The following STS variants were observed in gnomAD, a reference collection of about 807,000 sequenced individuals.
STS encodes steroid sulfatase, also known as steryl-sulfatase.
STS carries 7 observed loss-of-function variants against 26.8 expected under a neutral mutation model. The ratio of observed to expected loss-of-function variants is 0.26; its 90% confidence interval spans 0.15 to 0.49. The LOEUF is 0.49. STS is among the 20% of genes least tolerant of loss of function. STS has a pLI of 0.98. For synonymous variants in STS, 199 were observed against 189.4 expected (o/e 1.05, Z -0.42); for missense variants, 434 against 465.6 (o/e 0.93, Z 0.63).
intron 1 of STS, among the ~76,000 whole-genome samples, chrX:7,158,025 G>A (rs753263975): frequency 8.9e-6 from 1 of 112,023 alleles, no homozygotes; most frequent in Non-Finnish European, 1.9e-5. Flanking sequence ...GGTTTCTGTG[G>A]CATTATAGCC....
intron 2 of STS, among the ~76,000 whole-genome samples, chrX:7,252,764 C>T (rs1236578599): frequency 1.8e-5 from 2 of 111,649 alleles, no homozygotes; most frequent in Non-Finnish European, 3.8e-5. Context: ...GATGAATTCT[C>T]TTCCCTCTGT....
chrX:7,348,806 A>G (rs1455997479), intron 10 of STS, among the ~76,000 whole-genome samples: 1 of 111,855 alleles, frequency 8.9e-6, no homozygotes, highest in African/African-American at 3.3e-5. Context: ...GCATGCCATT[A>G]TATTCTAATT....
At chrX:7,152,006 A>G (rs1383398057) in intron 1 of STS, among the ~76,000 whole-genome samples, 1 of 111,399 alleles carries the variant, frequency 9.0e-6, no homozygotes, top group Non-Finnish European at 1.9e-5. Flanking sequence ...AGGCTGGAGT[A>G]CAGTGGCACG....
chrX:7,335,943 A>G (rs1213039100), intron 10 of STS, among the ~76,000 whole-genome samples: 9 of 110,145 alleles, frequency 8.2e-5, no homozygotes, highest in Non-Finnish European at 1.7e-4. Context: ...ATTTCTGAGG[A>G]CTCTGTTCTG....
intron 7 of STS, among the ~76,000 whole-genome samples, chrX:7,297,471 C>G (rs1381560936): frequency 4.5e-5 from 5 of 111,646 alleles, no homozygotes; most frequent in Non-Finnish European, 7.5e-5. Context: ...TTAAGTTAAT[C>G]TAATCAGTTT....
At chrX:7,324,473 T>C (rs1927272227) in intron 8 of STS, among the ~76,000 whole-genome samples, 1 of 112,082 alleles carries the variant, frequency 8.9e-6, no homozygotes, top group African/African-American at 3.2e-5. Context: ...AATGTAGATT[T>C]TCTGCACAAG....
chrX:7,349,005 G>A (rs953810177), intron 10 of STS, among the ~76,000 whole-genome samples: 2 of 108,901 alleles, frequency 1.8e-5, no homozygotes, highest in African/African-American at 6.7e-5. Flanking sequence ...TTTTTGAGAC[G>A]GGGTCTTGCT....
At chrX:7,349,315 CCTTTTTTTTTT>C (rs1928673103) in intron 10 of STS, among the ~76,000 whole-genome samples, 1 of 20,285 alleles carries the variant, frequency 4.9e-5, no homozygotes, top group African/African-American at 1.8e-4. Context: ...TCATTTAATT[CCTTTTTTTTTT>C]TTTTTTTTTT....
At chrX:7,147,640 T>G (rs1004656791), upstream of STS, among the ~76,000 whole-genome samples, 1 of 112,103 alleles carries the variant, frequency 8.9e-6, no homozygotes, top group Non-Finnish European at 1.9e-5. Flanking sequence ...ACGGGGAAGC[T>G]GAGGCTGGGC....
At chrX:7,271,581 A>C (rs1924270804) in intron 6 of STS, among the ~76,000 whole-genome samples, 1 of 111,134 alleles carries the variant, frequency 9.0e-6, no homozygotes, top group Admixed American at 9.6e-5. Context: ...TGACAATTAC[A>C]GTGCTTCCAT....
At chrX:7,329,233 A>G (rs771765983) in intron 9 of STS, among the ~76,000 whole-genome samples, 2 of 112,194 alleles carry the variant, frequency 1.8e-5, no homozygotes, top group African/African-American at 6.5e-5. Context: ...GAATATCTAA[A>G]GTAGTGTTTT....
chrX:7,325,435 C>G lies in STS; in HGVS notation c.1178C>G (p.Thr393Ser). 8.3e-7 allele frequency: 1 copy of G among 1,211,527 alleles called. No individual in the cohort carries two copies. The highest frequency in any genetic ancestry group is 1.1e-6 in the Non-Finnish European group (1 of 895,339). Residue 393 changes from threonine (T) to serine (S), a missense_variant, in exon 9 of 11, where the codon ACT (threonine) becomes AGT (serine). By Grantham distance (58) the Thr-to-Ser change is moderately conservative. Coordinates refer to ENST00000674429, the MANE Select transcript of STS (RefSeq NM_001320752.2). ...IQAGQKIDEPTSNMDIFPTVA... is the reference protein window; with the variant it reads ...IQAGQKIDEPSSNMDIFPTVA... The stretch of plus-strand genomic sequence containing the variant: ...GCTGGCCAGAAGATTGATGAGCCCA[C>G]TAGCAACATGGACATATTTCCTACA...
intron 7 of STS, among the ~76,000 whole-genome samples, chrX:7,301,408 A>G (rs1338271062): frequency 9.0e-6 from 1 of 110,690 alleles, no homozygotes; most frequent in Non-Finnish European, 1.9e-5. Context: ...AACAAAAATA[A>G]TAGACTATTT....
chrX:7,263,805 ATG>A (rs1160626714), intron 6 of STS, among the ~76,000 whole-genome samples: 4 of 97,960 alleles, frequency 4.1e-5, no homozygotes, highest in African/African-American at 1.1e-4. Context: ...GTGTGTATAT[ATG>A]TGTGTGTGTT....
chrX:7,331,887 T>TAAAA (rs11396837), intron 9 of STS, among the ~76,000 whole-genome samples: 5 of 74,265 alleles, frequency 6.7e-5, no homozygotes, highest in Admixed American at 1.6e-4. Flanking sequence ...TGTGGGATAT[T>TAAAA]AAAAAAAAAA....
intron 1 of STS, among the ~76,000 whole-genome samples, chrX:7,159,306 G>A (rs1436582646): frequency 9.0e-6 from 1 of 111,493 alleles, no homozygotes; most frequent in Non-Finnish European, 1.9e-5. Context: ...TGGTAGCCCT[G>A]CTCATTGCCC....
At chrX:7,324,296 T>A (rs1466668425) in intron 8 of STS, among the ~76,000 whole-genome samples, 1 of 109,698 alleles carries the variant, frequency 9.1e-6, no homozygotes, top group Non-Finnish European at 1.9e-5. Context: ...AATAAGGGGG[T>A]TGTGGAGGCC....
In STS at chrX:7,322,664, G is replaced by T. The variant is rs1601743368; in HGVS notation, c.1082-2675G>T. Among the ~76,000 whole-genome samples the T allele has an allele frequency of 2.7e-5, 3 of 112,208 alleles. 1 individual carries two copies. The highest frequency in any genetic ancestry group is 9.4e-5 in the Admixed American group (1 of 10,600). On this transcript the variant is annotated intron_variant, in intron 8 of 10. Coordinates refer to ENST00000674429, the MANE Select transcript of STS (RefSeq NM_001320752.2). ...GATCCACCCGTCTTGGCCTCCTAAA[G>T]TGCTGGGATTACAGGTGTGAGCCAT...
chrX:7,257,520 G>T lies in STS; in HGVS notation c.314G>T (p.Gly105Val), dbSNP rs1445507269. Reference protein sequence around the residue: ...GVFLFTASSGGLPTDEITFAK... With the variant: ...GVFLFTASSGVLPTDEITFAK... The stretch of plus-strand genomic sequence containing the variant: ...TTCCTCTTCACAGCCTCTTCGGGAG[G>T]ACTTCCCACCGATGAGATTACCTTT... Residue 105 changes from glycine (G) to valine (V), a missense_variant, in exon 5 of 11, where the codon GGA becomes GTA. Gly to Val is a moderately radical substitution (Grantham distance 109). This residue lies in a region of STS where 229 missense variants were observed against 288.3 expected (regional missense o/e 0.79). Transcript: ENST00000674429. 1 of 1,210,552 alleles carries T rather than the reference G, an allele frequency of 8.3e-7. No homozygotes were observed. Among genetic ancestry groups the T allele is most frequent in the Non-Finnish European group, 1.1e-6 (1 of 895,280 alleles).
Sources: allele counts gnomAD v4.1 joint callset (sites outside exome capture counted in the v4.1 genomes callset), GRCh38; gene constraint gnomAD v4.1.1; regional missense constraint gnomAD v4.1.1; transcripts MANE v1.5; gene names NCBI Gene and HGNC (gene_info 2026-07-23, HGNC 2026-07-21).